The following ROBO2 variants were observed in gnomAD, a reference collection of about 807,000 sequenced individuals.
ROBO2 encodes roundabout guidance receptor 2.
Under a neutral mutation model 160.8 loss-of-function variants are expected in ROBO2, and 53 were observed. That is an observed-to-expected ratio of 0.33 (90% CI 0.26 to 0.41). The LOEUF is 0.41. Ranked by LOEUF, ROBO2 falls within the 10% of genes least tolerant of loss-of-function variation. The pLI, the probability that ROBO2 is intolerant of heterozygous loss-of-function variation, is 1.00. For synonymous variants in ROBO2, 664 were observed against 611.7 expected, an observed-to-expected ratio of 1.09 and a Z score of -1.26; for missense variants, 1,577 against 1,722.4, an observed-to-expected ratio of 0.92 and a Z score of 1.49.
intron 20 of ROBO2, 99 bp downstream of exon 21, chr3:77,602,590 G>A (rs1342149490): frequency 7.2e-7 from 1 of 1,395,334 alleles, no homozygotes; most frequent in African/African-American, 1.4e-5. Flanking sequence ...TCATTACCAG[G>A]TTTACTACCT....
At chr3:76,434,346 G>A in intron 2 of ROBO2, 2 of 1,314,560 alleles carry the variant, frequency 1.5e-6, no homozygotes, top group Non-Finnish European at 1.1e-6. Flanking sequence ...GAAGTGATAA[G>A]CTTTCGGGAG....
At chr3:76,148,681 A>G (rs1323372200) in intron 2 of ROBO2, among the ~76,000 whole-genome samples, 1 of 152,012 alleles carries the variant, frequency 6.6e-6, no homozygotes, top group East Asian at 1.9e-4. Flanking sequence ...GCCTTATTGT[A>G]ATAAGAAAAT....
At chr3:77,318,459 C>T (rs553852624) in intron 2 of ROBO2, among the ~76,000 whole-genome samples, 3 of 152,204 alleles carry the variant, frequency 2.0e-5, no homozygotes, top group Admixed American at 6.5e-5. Context: ...TTTACCATTA[C>T]AGATAACGTT....
chr3:76,978,688 T>A (rs1346153124), intron 2 of ROBO2, among the ~76,000 whole-genome samples: 1 of 152,064 alleles, frequency 6.6e-6, no homozygotes, highest in Non-Finnish European at 1.5e-5. Flanking sequence ...AACAGATACT[T>A]AACTCAGTTT....
At chr3:76,335,075 G>T (rs778223868) in intron 2 of ROBO2, among the ~76,000 whole-genome samples, 18 of 150,426 alleles carry the variant, frequency 1.2e-4, no homozygotes, top group Non-Finnish European at 1.9e-4. Context: ...TTGAAATGTT[G>T]CCCAAGCTAG....
At chr3:77,588,713 C>A in intron 16 of ROBO2, 38 bp from the exon 18 acceptor site, 1 of 1,578,110 alleles carries the variant, frequency 6.3e-7, no homozygotes. Flanking sequence ...TGCTTATTTT[C>A]GTTTTAATAT....
intron 1 of ROBO2, among the ~76,000 whole-genome samples, chr3:77,073,388 T>G (rs1416839000): frequency 6.6e-6 from 1 of 152,180 alleles, no homozygotes; most frequent in Non-Finnish European, 1.5e-5. Context: ...GAAGTAAATA[T>G]GCGAGGAAAT....
chr3:75,928,701 C>G (rs901897195), intron 1 of ROBO2, among the ~76,000 whole-genome samples: 10 of 152,218 alleles, frequency 6.6e-5, no homozygotes, highest in Admixed American at 5.2e-4. Context: ...GTCTCCATAG[C>G]TGATGATTAT....
At chr3:77,332,904 G>A (rs552606407) in intron 2 of ROBO2, among the ~76,000 whole-genome samples, 18 of 152,242 alleles carry the variant, frequency 1.2e-4, no homozygotes, top group African/African-American at 4.1e-4. Flanking sequence ...GCGCTAGAGC[G>A]ACTTATTACA....
Position 76,536,444 on chromosome 3 carries a change from G to A in ROBO2, c.110-561570G>A, listed in dbSNP as rs76223539. ...GTTTAGGGCTGAAAAGTGTCTAAGG[G>A]TAGCCACCAAGTGGGCCATGAACTG... is the stretch of plus-strand genomic sequence containing the variant. On this transcript the variant is annotated intron_variant, in intron 2 of 26. Transcript: ENST00000487694. Among the ~76,000 whole-genome samples the A allele has an allele frequency of 2.6e-4, 40 of 152,248 alleles. 2 individuals are homozygous for A. The highest frequency in any genetic ancestry group is 2.5e-3 in the South Asian group (12 of 4,828).
At chr3:76,727,635 G>T (rs2093573407) in intron 2 of ROBO2, among the ~76,000 whole-genome samples, 1 of 152,166 alleles carries the variant, frequency 6.6e-6, no homozygotes, top group South Asian at 2.1e-4. Flanking sequence ...TGTGGAATAA[G>T]TTGGGCACGG....
chr3:76,588,180 T>A (rs1414930343), intron 2 of ROBO2, among the ~76,000 whole-genome samples: 1 of 152,198 alleles, frequency 6.6e-6, no homozygotes, highest in East Asian at 1.9e-4. Flanking sequence ...TAACTTTCAA[T>A]CTGTGTCACT....
chr3:76,690,141 A>G (rs1168957226), intron 2 of ROBO2, among the ~76,000 whole-genome samples: 2 of 152,124 alleles, frequency 1.3e-5, no homozygotes, highest in Non-Finnish European at 2.9e-5. Flanking sequence ...ACATTTTCTA[A>G]TCAGAGGAAG....
chr3:76,342,328 T>C (rs993897704), intron 2 of ROBO2, among the ~76,000 whole-genome samples: 2 of 152,108 alleles, frequency 1.3e-5, no homozygotes, highest in African/African-American at 2.4e-5. Flanking sequence ...GTGAGAGACA[T>C]AGATCTTTGT....
chr3:76,903,670 A>G (rs1224975121), intron 2 of ROBO2, among the ~76,000 whole-genome samples: 1 of 152,176 alleles, frequency 6.6e-6, no homozygotes, highest in African/African-American at 2.4e-5. Flanking sequence ...GGCATAGCCC[A>G]ATTCAGTTCA....
At chr3:76,137,737 A>C (rs1194143571) in intron 2 of ROBO2, among the ~76,000 whole-genome samples, 1 of 151,730 alleles carries the variant, frequency 6.6e-6, no homozygotes, top group African/African-American at 2.4e-5. Context: ...AGGCTGCCTC[A>C]CTCCTTGACT....
intron 2 of ROBO2, among the ~76,000 whole-genome samples, chr3:76,362,464 A>G (rs2075576917): frequency 6.6e-6 from 1 of 152,084 alleles, no homozygotes; most frequent in African/African-American, 2.4e-5. Flanking sequence ...GTATTTTATT[A>G]ACTTAAAGTC....
chr3:77,117,254 T>C (rs2150232029), intron 2 of ROBO2, among the ~76,000 whole-genome samples: 1 of 152,316 alleles, frequency 6.6e-6, no homozygotes, highest in East Asian at 1.9e-4. Flanking sequence ...ATATTACTTG[T>C]TTCAAAATAT....
At chr3:76,299,455 A>G (rs1049337311) in intron 2 of ROBO2, among the ~76,000 whole-genome samples, 8 of 152,304 alleles carry the variant, frequency 5.3e-5, no homozygotes, top group African/African-American at 1.9e-4. Context: ...TGGCTGGCAC[A>G]GAGAAAATAA....
Sources: gnomAD v4.1 joint callset for allele counts (sites outside exome capture counted in the v4.1 genomes callset) on GRCh38, gnomAD v4.1.1 for gene constraint, MANE v1.5 for transcripts, NCBI Gene and HGNC (gene_info 2026-07-23, HGNC 2026-07-21) for gene names.